FERRY3: variants seen among roughly 807,000 people sequenced by gnomAD.
FERRY3 encodes the protein protein C12orf4.
At chr12:4,494,738 G>C in the FERRY3 span, among the ~76,000 whole-genome samples, 1 of 152,178 alleles carries the variant, frequency 6.6e-6, no homozygotes, top group Non-Finnish European at 1.5e-5. Context: ...TTCATAGCAG[G>C]TTCTGAAATT....
chr12:4,519,009 T>C, the FERRY3 span: 1 of 536,250 alleles, frequency 1.9e-6, no homozygotes, highest in East Asian at 3.4e-5. The surrounding 1 kb of genome is among the most constrained non-coding windows in gnomAD (Gnocchi z 4.3). Flanking sequence ...TCATCCTTAA[T>C]CCATGGTGAC....
At chr12:4,508,733 G>T in the FERRY3 span, 7 of 150,970 alleles carry the variant, frequency 4.6e-5, no homozygotes, top group African/African-American at 1.7e-4. Flanking sequence ...GACAGAGTGA[G>T]ACTCTGTCTC....
chr12:4,524,251 T>C, the FERRY3 span, among the ~76,000 whole-genome samples: 1 of 152,210 alleles, frequency 6.6e-6, no homozygotes. Context: ...CCTGATTTTT[T>C]TCCTATTGTT....
chr12:4,505,252 A>G, the FERRY3 span: 1 of 1,171,006 alleles, frequency 8.5e-7, no homozygotes, highest in Admixed American at 1.8e-5. Flanking sequence ...TGTGCATTAT[A>G]AAACATCTTT....
At chr12:4,506,844 A>C in the FERRY3 span, among the ~76,000 whole-genome samples, 1 of 152,336 alleles carries the variant, frequency 6.6e-6, no homozygotes, top group South Asian at 2.1e-4. Context: ...AGAATAAACA[A>C]GTAATTGCAT....
At chr12:4,508,699 G>A in the FERRY3 span, among the ~76,000 whole-genome samples, 2 of 151,744 alleles carry the variant, frequency 1.3e-5, no homozygotes, top group African/African-American at 2.4e-5. Context: ...GACTGAGATC[G>A]TGCCACTGCA....
chr12:4,526,205 T>A, the FERRY3 span, among the ~76,000 whole-genome samples: 1 of 151,980 alleles, frequency 6.6e-6, no homozygotes, highest in African/African-American at 2.4e-5. Flanking sequence ...CAGATAATGG[T>A]TATTTATGAG....
chr12:4,529,778 C>T, the FERRY3 span: 5 of 1,136,220 alleles, frequency 4.4e-6, no homozygotes, highest in South Asian at 1.7e-5. Context: ...CTATCTTATC[C>T]TTTTTGTAAA....
the FERRY3 span, among the ~76,000 whole-genome samples, chr12:4,497,252 A>G: frequency 1.3e-5 from 2 of 152,216 alleles, no homozygotes; most frequent in African/African-American, 4.8e-5. Context: ...TCTCACAAAC[A>G]TAATATTGAA....
chr12:4,528,458 T>C, the FERRY3 span, among the ~76,000 whole-genome samples: 9 of 152,128 alleles, frequency 5.9e-5, no homozygotes, highest in African/African-American at 2.2e-4. Context: ...ACTATATACC[T>C]AGTGGCAACC....
the FERRY3 span, chr12:4,518,827 C>T: frequency 6.3e-7 from 1 of 1,595,492 alleles, no homozygotes; most frequent in Non-Finnish European, 8.5e-7. Flanking sequence ...ATAAATCCTT[C>T]CAATTGCTTC....
chr12:4,523,442 C>T, the FERRY3 span, among the ~76,000 whole-genome samples: 17 of 152,144 alleles, frequency 1.1e-4, no homozygotes, highest in Admixed American at 9.2e-4. Flanking sequence ...CCATTTGACC[C>T]GGCCATCCCA....
At chr12:4,532,156 C>T in the FERRY3 span, among the ~76,000 whole-genome samples, 1 of 147,054 alleles carries the variant, frequency 6.8e-6, no homozygotes, top group African/African-American at 2.5e-5. Flanking sequence ...TGGCCGAAGA[C>T]AATTCTTCTT....
At chr12:4,525,656 C>G in the FERRY3 span, 1 of 1,084,580 alleles carries the variant, frequency 9.2e-7, no homozygotes. Flanking sequence ...ATTCATCAAA[C>G]AATCTCTATA....
the FERRY3 span, chr12:4,529,906 C>A: frequency 6.3e-7 from 1 of 1,598,944 alleles, no homozygotes; most frequent in Non-Finnish European, 8.5e-7. Flanking sequence ...TCTCTTTCAC[C>A]AATCAGTTCT....
chr12:4,506,095 T>G, the FERRY3 span, among the ~76,000 whole-genome samples: 1 of 152,044 alleles, frequency 6.6e-6, no homozygotes, highest in African/African-American at 2.4e-5. Context: ...TTATAAAGAC[T>G]GAATGCAAAT....
the FERRY3 span, among the ~76,000 whole-genome samples, chr12:4,507,403 A>G: frequency 6.6e-6 from 1 of 152,204 alleles, no homozygotes. Context: ...TCTGTTATAT[A>G]TAACACATAT....
chr12:4,507,391 GCT>G, the FERRY3 span, among the ~76,000 whole-genome samples: 1 of 152,054 alleles, frequency 6.6e-6, no homozygotes, highest in Non-Finnish European at 1.5e-5. Flanking sequence ...TACTCAGCTG[GCT>G]CTGTTATATA....
the FERRY3 span, among the ~76,000 whole-genome samples, chr12:4,535,850 C>T: frequency 2.6e-5 from 4 of 152,068 alleles, no homozygotes; most frequent in Non-Finnish European, 2.9e-5. The surrounding 1 kb of genome is among the most constrained non-coding windows in gnomAD (Gnocchi z 4.0). Flanking sequence ...GGAAAAAACA[C>T]TCAATAAAAG....
Sources: gnomAD v4.1 joint callset for allele counts (sites outside exome capture counted in the v4.1 genomes callset) on GRCh38, gnomAD v4.1.1 for gene constraint, Gnocchi (gnomAD v3.1) non-coding constraint, MANE v1.5 for transcripts, NCBI Gene and HGNC (gene_info 2026-07-23, HGNC 2026-07-21) for gene names.